TMEM260: variants seen among roughly 807,000 people sequenced by gnomAD.
TMEM260 encodes the protein transmembrane protein 260.
Under a neutral mutation model 88.9 loss-of-function variants are expected in TMEM260, and 82 were observed. The ratio of observed to expected loss-of-function variants is 0.92; its 90% CI spans 0.77 to 1.11. TMEM260 has a LOEUF of 1.11. TMEM260 is among the 50% of genes least tolerant of loss of function. The pLI, the probability that TMEM260 is intolerant of heterozygous loss-of-function variation, is 0.00. For synonymous variants in TMEM260, 314 were observed against 309.3 expected, an observed-to-expected ratio of 1.02 and a Z score of -0.16; for missense variants, 902 against 853.4, an observed-to-expected ratio of 1.06 and a Z score of -0.71.
intron 3 of TMEM260, 83 bp downstream of exon 3, chr14:56,585,995 A>G: frequency 7.0e-7 from 1 of 1,423,240 alleles, no homozygotes; most frequent in South Asian, 1.3e-5. Flanking sequence ...CATTAAAAAA[A>G]TCTTTTGTTG....
chr14:56,625,751 C>G (rs1888209426), intron 12 of TMEM260, among the ~76,000 whole-genome samples: 1 of 152,080 alleles, frequency 6.6e-6, no homozygotes, highest in South Asian at 2.1e-4. Context: ...GACAGATTAG[C>G]AAGAACAGCA....
chr14:56,615,749 T>C (rs1295776827), intron 7 of TMEM260, 195 bp from the exon 8 acceptor site: 2 of 523,224 alleles, frequency 3.8e-6, no homozygotes, highest in Non-Finnish European at 3.4e-6. Context: ...AATGTTACCA[T>C]TGGAAAACGT....
rs1037760824 is a variant in TMEM260, at chr14:56,646,084, C to T, written c.1870-1159C>T. Among the ~76,000 whole-genome samples the T allele has an allele frequency of 4.6e-5, 7 of 152,140 alleles. No individual in the cohort carries two copies. In the East Asian group the frequency reaches 7.7e-4, roughly 17 times the overall value. ...TGCTGGGATTGCAGGCATGGGCCAC[C>T]GTGCCCAGCCTCTTCCCTATTGTAT... On this transcript the variant is annotated intron_variant, in intron 15 of 15. Transcript: ENST00000261556.
At chr14:56,658,143 C>G in the TMEM260 span, among the ~76,000 whole-genome samples, 1 of 152,158 alleles carries the variant, frequency 6.6e-6, no homozygotes, top group Admixed American at 6.6e-5. Context: ...CACACCCTTG[C>G]TTAGCTTCAT....
chr14:56,651,792 C>T (rs538984543), downstream of TMEM260, among the ~76,000 whole-genome samples: 3 of 152,184 alleles, frequency 2.0e-5, no homozygotes, highest in Admixed American at 6.5e-5. Flanking sequence ...AAAACTTTAG[C>T]GTATAAGAAG....
chr14:56,621,443 GA>G (rs1370499595), intron 10 of TMEM260, 87 bp from the exon 11 acceptor site: 6 of 957,342 alleles, frequency 6.3e-6, no homozygotes, highest in Non-Finnish European at 9.1e-6. Flanking sequence ...TGTATGATGG[GA>G]AAAGAATGGC....
chr14:56,653,323 T>C (rs561781167), downstream of TMEM260, among the ~76,000 whole-genome samples: 6 of 152,184 alleles, frequency 3.9e-5, no homozygotes, highest in East Asian at 1.2e-3. Context: ...GTGTATAACA[T>C]ATATGTCATA....
chr14:56,613,146 C>T (rs1482018659), intron 7 of TMEM260: 1 of 151,976 alleles, frequency 6.6e-6, no homozygotes, highest in Non-Finnish European at 1.5e-5. Context: ...GAAAGATATC[C>T]ATACCAACTT....
chr14:56,649,556 C>G (rs780225037), downstream of TMEM260: 1 of 152,010 alleles, frequency 6.6e-6, no homozygotes, highest in Non-Finnish European at 1.5e-5. Flanking sequence ...TGCACATATG[C>G]GTGGTGGTTG....
At chr14:56,633,817 A>G (rs1483344217) in intron 13 of TMEM260, among the ~76,000 whole-genome samples, 2 of 152,332 alleles carry the variant, frequency 1.3e-5, no homozygotes, top group African/African-American at 4.8e-5. Flanking sequence ...CAGAGTCACT[A>G]TCTAAAGAAA....
the TMEM260 span, among the ~76,000 whole-genome samples, chr14:56,661,436 G>A: frequency 0.017 from 2,596 of 151,662 alleles, 34 homozygotes; most frequent in Non-Finnish European, 0.024. Flanking sequence ...TTTGTACCAT[G>A]AGCAAGTGTT....
intron 3 of TMEM260, 122 bp from the exon 4 acceptor site, chr14:56,603,693 T>C (rs943783863): frequency 5.2e-6 from 5 of 958,460 alleles, no homozygotes; most frequent in Non-Finnish European, 6.5e-6. Context: ...GTATTAACCA[T>C]ATAATGTGTT....
chr14:56,624,005 T>C (rs1227207520), intron 11 of TMEM260, among the ~76,000 whole-genome samples: 7 of 152,202 alleles, frequency 4.6e-5, no homozygotes. Context: ...TGATTTTTTC[T>C]AATATAAGTA....
At position 56,633,134 on chromosome 14, in the gene TMEM260, AC is replaced by A. The variant is rs1888745759; in HGVS notation, c.1688del (p.Thr563LysfsTer32). The A allele has an allele frequency of 6.2e-7, 1 of 1,613,396 alleles. No homozygotes were observed. The highest frequency in any genetic ancestry group is 1.3e-5 in the African/African-American group (1 of 74,920). On this transcript the variant is annotated frameshift_variant, in exon 13 of 16. Transcript: ENST00000261556. LOFTEE classifies it high-confidence loss of function. ...VFNPEEWIKL[T>X]KSIYNWTEEY... ...CAACCCTGAGGAATGGATTAAACTT[AC>A]AAAAAGTATCTATAACTGGACCGAA...
chr14:56,604,181 T>C (rs1886751247), intron 4 of TMEM260, among the ~76,000 whole-genome samples, 189 bp downstream of exon 4: 1 of 152,124 alleles, frequency 6.6e-6, no homozygotes, highest in Non-Finnish European at 1.5e-5. Context: ...TTATAAAACA[T>C]GGCGCTTTTC....
chr14:56,594,902 T>C (rs909332052), intron 3 of TMEM260, among the ~76,000 whole-genome samples: 8 of 152,356 alleles, frequency 5.3e-5, no homozygotes, highest in Admixed American at 1.3e-4. Context: ...TTGTAGTCTT[T>C]CCAGGGGAAA....
At chr14:56,609,773 G>T (rs1433860207) in intron 6 of TMEM260, among the ~76,000 whole-genome samples, 1 of 152,108 alleles carries the variant, frequency 6.6e-6, no homozygotes, top group African/African-American at 2.4e-5. Context: ...TGCCTCATGA[G>T]TTCACTAAAT....
At chr14:56,627,749 T>TC (rs1467322474) in intron 12 of TMEM260, among the ~76,000 whole-genome samples, 1 of 152,254 alleles carries the variant, frequency 6.6e-6, no homozygotes, top group East Asian at 1.9e-4. Context: ...GAGCACCTGT[T>TC]ATTTTAACAT....
downstream of TMEM260, among the ~76,000 whole-genome samples, chr14:56,652,765 A>G (rs1037814320): frequency 1.3e-5 from 2 of 152,120 alleles, no homozygotes; most frequent in African/African-American, 4.8e-5. Flanking sequence ...GAGTGTCATA[A>G]TTTTCCCCTA....
Sources: gnomAD v4.1 joint callset for allele counts (sites outside exome capture counted in the v4.1 genomes callset) on GRCh38, gnomAD v4.1.1 for gene constraint, MANE v1.5 for transcripts, NCBI Gene and HGNC (gene_info 2026-07-23, HGNC 2026-07-21) for gene names.